The following FER1L6 variants were observed in gnomAD, a reference collection of about 807,000 sequenced individuals.
The protein encoded by FER1L6 is fer-1 like family member 6.
FER1L6 carries 177 observed loss-of-function variants against 219.2 expected under a neutral mutation model. The ratio of observed to expected loss-of-function variants is 0.81; its 90% CI spans 0.71 to 0.91. FER1L6 has a LOEUF of 0.91. Ranked by LOEUF, FER1L6 falls within the 40% of genes least tolerant of loss-of-function variation. The pLI, the probability that FER1L6 is intolerant of heterozygous loss-of-function variation, is 0.00. For synonymous variants in FER1L6, 768 were observed against 824.3 expected, an observed-to-expected ratio of 0.93 and a Z score of 1.17; for missense variants, 2,153 against 2,259.9, an observed-to-expected ratio of 0.95 and a Z score of 0.96.
intron 18 of FER1L6, 106 bp downstream of exon 18, chr8:124,023,702 C>G (rs563333908): frequency 8.2e-7 from 1 of 1,224,962 alleles, no homozygotes; most frequent in South Asian, 1.7e-5. Context: ...CCAGTGCTTT[C>G]AAAGGTAGGA....
intron 14 of FER1L6, among the ~76,000 whole-genome samples, chr8:124,013,201 CA>C (rs1355894311): frequency 7.2e-5 from 11 of 152,090 alleles, no homozygotes; most frequent in African/African-American, 2.7e-4. Context: ...TGAGTTTGAA[CA>C]GTATGGGAGA....
At chr8:123,909,630 C>T (rs1813016810) in intron 1 of FER1L6, among the ~76,000 whole-genome samples, 2 of 152,168 alleles carry the variant, frequency 1.3e-5, no homozygotes, top group Non-Finnish European at 2.9e-5. Flanking sequence ...TCTATGCCTT[C>T]AGAAATTAAC....
intron 1 of FER1L6, among the ~76,000 whole-genome samples, chr8:123,913,339 C>A (rs985128447): frequency 2.2e-4 from 33 of 152,128 alleles, no homozygotes; most frequent in African/African-American, 4.8e-4. Flanking sequence ...TATTCACACA[C>A]ACACATATAT....
At chr8:124,044,780 C>T (rs1371279949) in intron 20 of FER1L6, among the ~76,000 whole-genome samples, 7 of 152,174 alleles carry the variant, frequency 4.6e-5, no homozygotes, top group East Asian at 1.9e-4. Flanking sequence ...CTCCAGTCTT[C>T]GGCTGTGTGA....
At chr8:123,970,158 A>G in intron 6 of FER1L6, 61 bp downstream of exon 6, 1 of 1,418,668 alleles carries the variant, frequency 7.0e-7, no homozygotes, top group Non-Finnish European at 1.0e-6. Context: ...GGCATTGGGG[A>G]CTCTCTGGGA....
At chr8:124,035,588 T>C in intron 19 of FER1L6, 134 bp downstream of exon 19, 1 of 828,166 alleles carries the variant, frequency 1.2e-6, no homozygotes. Flanking sequence ...TTAAGTAAAG[T>C]ACAGTTTCTA....
At chr8:124,049,063 T>C (rs1010368422) in intron 21 of FER1L6, among the ~76,000 whole-genome samples, 1 of 152,036 alleles carries the variant, frequency 6.6e-6, no homozygotes. Flanking sequence ...TTCTTTTTTC[T>C]TTTTTTGAGA....
At chr8:124,027,967 T>G (rs1333245728) in intron 18 of FER1L6, among the ~76,000 whole-genome samples, 1 of 152,186 alleles carries the variant, frequency 6.6e-6, no homozygotes, top group East Asian at 1.9e-4. Context: ...ACTTTCTCCA[T>G]TCAAAGAATG....
intron 7 of FER1L6, 77 bp downstream of exon 7, chr8:123,973,589 C>T: frequency 9.4e-7 from 1 of 1,059,324 alleles, no homozygotes; most frequent in South Asian, 1.3e-5. Context: ...CATTCATTCA[C>T]TCACCTGTGT....
At chr8:124,119,362 C>T (rs1050485594) in intron 40 of FER1L6, among the ~76,000 whole-genome samples, 1 of 151,962 alleles carries the variant, frequency 6.6e-6, no homozygotes, top group Non-Finnish European at 1.5e-5. Context: ...GGTGGTGGGG[C>T]CTTGGGCTGG....
chr8:123,900,875 T>G (rs1812843619), intron 1 of FER1L6, among the ~76,000 whole-genome samples: 1 of 152,240 alleles, frequency 6.6e-6, no homozygotes, highest in African/African-American at 2.4e-5. Context: ...GTGGATTATC[T>G]TTTTGATATG....
At chr8:123,974,193 G>A (rs1344130074) in intron 7 of FER1L6, among the ~76,000 whole-genome samples, 4 of 152,152 alleles carry the variant, frequency 2.6e-5, no homozygotes, top group African/African-American at 4.8e-5. Context: ...TGACTGTGGG[G>A]GCCAGACAGG....
chr8:123,988,817 T>G (rs983341115), intron 12 of FER1L6, among the ~76,000 whole-genome samples: 1 of 152,236 alleles, frequency 6.6e-6, no homozygotes, highest in Non-Finnish European at 1.5e-5. Flanking sequence ...GCCCTTTGTT[T>G]CTTTCTCTTG....
At chr8:124,031,783 T>C (rs767219931) in intron 18 of FER1L6, among the ~76,000 whole-genome samples, 10 of 151,994 alleles carry the variant, frequency 6.6e-5, no homozygotes, top group African/African-American at 1.2e-4. Context: ...TGAGCCCCAG[T>C]TGAGGGAAGG....
At chr8:124,077,897 G>C (rs186613161) in intron 32 of FER1L6, among the ~76,000 whole-genome samples, 57 of 152,306 alleles carry the variant, frequency 3.7e-4, no homozygotes, top group African/African-American at 1.3e-3. Context: ...GCTTGAGCCA[G>C]GGTCTGCGGA....
chr8:123,995,438 T>A (rs1000696474), intron 12 of FER1L6, among the ~76,000 whole-genome samples: 2 of 152,204 alleles, frequency 1.3e-5, no homozygotes, highest in African/African-American at 4.8e-5. Flanking sequence ...CCATTTCTTC[T>A]AGGTTTTCCA....
intron 1 of FER1L6, among the ~76,000 whole-genome samples, chr8:123,930,087 G>C (rs7839327): frequency 0.45 from 67,911 of 151,724 alleles, 15,364 homozygotes; most frequent in South Asian, 0.52. Context: ...AACCAGTTTT[G>C]CCCAAAGGTA....
intron 12 of FER1L6, among the ~76,000 whole-genome samples, chr8:124,000,755 A>T (rs750244661): frequency 6.6e-6 from 1 of 152,258 alleles, no homozygotes; most frequent in Non-Finnish European, 1.5e-5. Context: ...ACAGAAGGTC[A>T]TGATTTATAT....
At chr8:123,925,083 T>A (rs889253402) in intron 1 of FER1L6, among the ~76,000 whole-genome samples, 1 of 152,232 alleles carries the variant, frequency 6.6e-6, no homozygotes, top group Non-Finnish European at 1.5e-5. Flanking sequence ...ATTAATAAAT[T>A]TTATTCTTGT....
Sources: gnomAD v4.1 joint callset for allele counts (sites outside exome capture counted in the v4.1 genomes callset) on GRCh38, gnomAD v4.1.1 for gene constraint, MANE v1.5 for transcripts, NCBI Gene and HGNC (gene_info 2026-07-23, HGNC 2026-07-21) for gene names.